MEI1: variants seen among roughly 807,000 people sequenced by gnomAD.
MEI1 encodes the protein meiotic double-stranded break formation protein 1.
In MEI1, 103 loss-of-function variants were observed where a neutral mutation model predicts 146.2. The observed-to-expected ratio is 0.70, with a 90% confidence interval of 0.60 to 0.83. The LOEUF is 0.83. Among genes scored for constraint, MEI1 ranks in the 40% least tolerant of loss-of-function variants. The probability of loss-of-function intolerance (pLI) is 0.00; values close to 1 mark genes in which losing one functional copy is unlikely to be tolerated. For missense variants in MEI1, 1,529 were observed against 1,533.0 expected (o/e 1.00, Z 0.04); for synonymous variants, 652 against 628.2 (o/e 1.04, Z -0.57).
At chr22:41,772,414 A>C (rs2075231898) in intron 20 of MEI1, among the ~76,000 whole-genome samples, 1 of 152,050 alleles carries the variant, frequency 6.6e-6, no homozygotes, top group Non-Finnish European at 1.5e-5. Flanking sequence ...AGGCCGAGCC[A>C]GGTGAATCAC....
intron 26 of MEI1, among the ~76,000 whole-genome samples, chr22:41,791,169 C>T (rs1275232835): frequency 6.6e-6 from 1 of 152,116 alleles, no homozygotes; most frequent in Non-Finnish European, 1.5e-5. Context: ...TGTGGAAGGA[C>T]ATCTATCAGA....
At chr22:41,754,468 C>T (rs751268865) in intron 17 of MEI1, among the ~76,000 whole-genome samples, 3 of 152,120 alleles carry the variant, frequency 2.0e-5, no homozygotes, top group Non-Finnish European at 4.4e-5. Flanking sequence ...CAGTCTCGCT[C>T]TGTTGCCCAG....
At chr22:41,723,752 G>A (rs11704292) in intron 6 of MEI1, among the ~76,000 whole-genome samples, 191 bp from the exon 7 acceptor site, 3 of 152,138 alleles carry the variant, frequency 2.0e-5, no homozygotes, top group Non-Finnish European at 4.4e-5. Flanking sequence ...CTAGCACTTA[G>A]TGGGCTCTCA....
rs76379114 is a variant in MEI1, at chr22:41,743,211, C to T, written c.1446+17C>T. 1,119 of 1,549,028 alleles carry T rather than the reference C, an allele frequency of 7.2e-4. 8 individuals carry two copies. The African/African-American group carries it at 0.013, about 18-fold the overall frequency. Reference sequence around the variant, plus strand: ...AGGCCCCTGGTCAGTGTACTGCAGCCTGCTGCTTCCGAAGATCATGCTGCA... The same window carrying T: ...AGGCCCCTGGTCAGTGTACTGCAGCTTGCTGCTTCCGAAGATCATGCTGCA... On this transcript the variant is annotated intron_variant, in intron 12 of 30. Transcript: ENST00000401548.
Position 41,781,776 on chromosome 22 carries a change from T to A in MEI1, c.3018T>A (p.Thr1006=). 1 of 1,613,990 alleles carries A rather than the reference T, an allele frequency of 6.2e-7. No individual in the cohort carries two copies. The highest frequency in any genetic ancestry group is 8.5e-7 in the Non-Finnish European group (1 of 1,179,902). ...LTLAKADSPR[T]ALLCSAWLLT... ...TGGCAAAGGCAGATTCTCCCAGGAC[T>A]GCACTCCTCTGCTCTGCCTGGCTGC... Residue 1006 remains threonine (T), a synonymous_variant, in exon 24 of 31, where the codon ACT becomes ACA. Coordinates refer to ENST00000401548, the MANE Select transcript of MEI1 (RefSeq NM_152513.4).
intron 24 of MEI1, among the ~76,000 whole-genome samples, chr22:41,782,425 T>C (rs1602135373): frequency 6.6e-6 from 1 of 152,210 alleles, no homozygotes; most frequent in Non-Finnish European, 1.5e-5. Context: ...GAGAAGGTGA[T>C]GCAGGGAAGA....
At chr22:41,727,964 A>G (rs1601777721) in intron 7 of MEI1, among the ~76,000 whole-genome samples, 1 of 152,198 alleles carries the variant, frequency 6.6e-6, no homozygotes, top group Non-Finnish European at 1.5e-5. Flanking sequence ...GAAGGAAAAC[A>G]GGTATTCAGC....
Position 41,709,094 on chromosome 22 carries a change from T to C in MEI1, c.349+3540T>C, listed in dbSNP as rs961807886. 4.1e-5 allele frequency: 24 copies of C among 581,572 alleles called. No individual in the cohort carries two copies. In the African/African-American group the frequency reaches 4.3e-4, roughly 11 times the overall value. 36.0% of individuals were successfully genotyped at this position (581,572 alleles called of 1,614,324 possible). A position where few individuals can be genotyped will look rare whatever the true frequency, so the allele number is the denominator to read the frequency against. On this transcript the variant is annotated intron_variant, in intron 3 of 30. Coordinates refer to ENST00000401548, the MANE Select transcript of MEI1 (RefSeq NM_152513.4). Reference sequence around the variant, plus strand: ...ATGCCCCTTCCCCAAAATATAACAGTGAAGTGTTCTGTGTGCTAACAACAT... The same window carrying C: ...ATGCCCCTTCCCCAAAATATAACAGCGAAGTGTTCTGTGTGCTAACAACAT...
intron 4 of MEI1, 72 bp downstream of exon 4, chr22:41,714,147 C>G: frequency 7.1e-7 from 1 of 1,406,938 alleles, no homozygotes; most frequent in Non-Finnish European, 9.8e-7. Flanking sequence ...ACCCTTTGAA[C>G]AAATGAGAGA....
At chr22:41,758,327 TTC>T in intron 17 of MEI1, 36 bp from the exon 18 acceptor site, 1 of 1,591,524 alleles carries the variant, frequency 6.3e-7, no homozygotes, top group Non-Finnish European at 8.6e-7. Context: ...TTCTTCTATG[TTC>T]TCTGTGTGGC....
intron 12 of MEI1, among the ~76,000 whole-genome samples, chr22:41,744,361 A>G (rs150623109): frequency 0.024 from 3,696 of 151,588 alleles, 171 homozygotes; most frequent in African/African-American, 0.084. Flanking sequence ...TTTAGTAGAG[A>G]CGGGGTTTCA....
In MEI1 at chr22:41,776,240, G is replaced by A; in HGVS notation, c.2683G>A (p.Val895Met). The A allele has an allele frequency of 6.2e-7, 1 of 1,613,810 alleles. No individual in the cohort carries two copies. The highest frequency in any genetic ancestry group is 1.1e-5 in the South Asian group (1 of 91,080). Residue 895 changes from valine (V) to methionine (M), a missense_variant, in exon 21 of 31, where the codon GTG becomes ATG. Physicochemically the swap from Val to Met is conservative, Grantham distance 21 (BLOSUM62 1). Around this residue, in one of 3 missense-constraint regions of MEI1, gnomAD observed 1,212 missense variants for 1,178.9 expected, o/e 1.03. Transcript: ENST00000401548. Reference sequence around the variant, plus strand: ...CCTGCTGATCCTGCAGCGTCTGCTAGTGGAGCATGGGGCATCCCCATCAGG... The same window carrying A: ...CCTGCTGATCCTGCAGCGTCTGCTAATGGAGCATGGGGCATCCCCATCAGG... ...HFLLILQRLL[V>M]EHGASPSGAS...
intron 27 of MEI1, 59 bp downstream of exon 27, chr22:41,793,969 C>T (rs532181677): frequency 1.0e-5 from 15 of 1,443,632 alleles, no homozygotes; most frequent in Middle Eastern, 1.7e-4. Flanking sequence ...GAGCAACACC[C>T]TTCCACCCTC....
chr22:41,699,885 G>A (rs897317129), intron 1 of MEI1, among the ~76,000 whole-genome samples, 173 bp downstream of exon 1: 2 of 152,162 alleles, frequency 1.3e-5, no homozygotes, highest in African/African-American at 2.4e-5. Flanking sequence ...GCGGCCTCTC[G>A]GGCCCCTCAG....
intron 17 of MEI1, among the ~76,000 whole-genome samples, chr22:41,757,609 A>C (rs1367701365): frequency 2.6e-5 from 4 of 151,982 alleles, no homozygotes; most frequent in Admixed American, 2.0e-4. Context: ...TACCCTCCTC[A>C]GCCTCCCAAA....
intron 26 of MEI1, among the ~76,000 whole-genome samples, chr22:41,788,189 C>T (rs767753445): frequency 6.6e-6 from 1 of 152,054 alleles, no homozygotes; most frequent in Non-Finnish European, 1.5e-5. Context: ...ACCACAATGC[C>T]TGGCTAATTT....
At chr22:41,703,954 C>T (rs1478448987) in intron 2 of MEI1, among the ~76,000 whole-genome samples, 5 of 152,150 alleles carry the variant, frequency 3.3e-5, no homozygotes, top group African/African-American at 1.2e-4. Flanking sequence ...CCACCACACT[C>T]CAGCCTGGGT....
intron 6 of MEI1, among the ~76,000 whole-genome samples, chr22:41,722,447 G>A (rs1202261274): frequency 2.7e-5 from 4 of 150,768 alleles, no homozygotes; most frequent in East Asian, 1.9e-4. Context: ...ACAGGTGCAC[G>A]CCACCTTGCC....
chr22:41,729,736 C>T lies in MEI1; in HGVS notation c.936C>T (p.Ser312=). The change falls in exon 8 of 31, where the codon TCC becomes TCT. Residue 312 remains serine, a synonymous_variant. Coordinates refer to ENST00000401548, the MANE Select transcript of MEI1 (RefSeq NM_152513.4). ...AHCITAVLVH[S]PAKHASAFIH... The stretch of plus-strand genomic sequence containing the variant: ...GTATAACTGCGGTGCTTGTCCACTC[C>T]CCAGCAAAGCATGCGTCAGCCTTCA... 1.2e-6 allele frequency: 2 copies of T among 1,611,728 alleles called. No individual in the cohort carries two copies. Among genetic ancestry groups the T allele is most frequent in the Non-Finnish European group, 1.7e-6 (2 of 1,179,104 alleles).
Sources: gnomAD v4.1 joint callset for allele counts (sites outside exome capture counted in the v4.1 genomes callset) on GRCh38, gnomAD v4.1.1 for gene constraint, gnomAD v4.1.1 regional missense constraint, MANE v1.5 for transcripts, NCBI Gene and HGNC (gene_info 2026-07-23, HGNC 2026-07-21) for gene names.